RBFOX1: variants seen among roughly 807,000 people sequenced by gnomAD.
RBFOX1 encodes the protein RNA binding fox-1 homolog 1, also known as RNA binding protein fox-1 homolog 1.
RBFOX1 carries 8 observed loss-of-function variants against 57.7 expected under a neutral mutation model. The observed-to-expected ratio is 0.14, with a 90% CI of 0.08 to 0.25. RBFOX1 has a LOEUF of 0.25. Ranked by LOEUF, RBFOX1 falls within the 10% of genes least tolerant of loss-of-function variation. The pLI is 1.00. For synonymous variants in RBFOX1, 326 were observed against 222.4 expected (o/e 1.47, Z -4.15); for missense variants, 611 against 548.5 (o/e 1.11, Z -1.14).
intron 1 of RBFOX1, among the ~76,000 whole-genome samples, chr16:5,391,622 A>C (rs551202454): frequency 6.6e-6 from 1 of 152,100 alleles, no homozygotes; most frequent in Non-Finnish European, 1.5e-5. Flanking sequence ...GTTCCTCCTG[A>C]AGGCTGTCTG....
chr16:5,684,510 G>C (rs1293893107), intron 3 of RBFOX1, among the ~76,000 whole-genome samples: 1 of 152,084 alleles, frequency 6.6e-6, no homozygotes, highest in African/African-American at 2.4e-5. Flanking sequence ...GTGTGTGTCT[G>C]TTTTCTAGGA....
chr16:7,514,121 G>T (rs2075822159), intron 4 of RBFOX1, among the ~76,000 whole-genome samples: 1 of 152,242 alleles, frequency 6.6e-6, no homozygotes, highest in Non-Finnish European at 1.5e-5. Context: ...CAAAGGACCA[G>T]ATGATAGATC....
At chr16:6,965,115 G>A (rs115788223) in intron 3 of RBFOX1, among the ~76,000 whole-genome samples, 3 of 152,060 alleles carry the variant, frequency 2.0e-5, no homozygotes, top group African/African-American at 7.2e-5. Flanking sequence ...GGTTTATCTA[G>A]ACTCTGCCTC....
chr16:7,632,480 A>G (rs1387931226), intron 11 of RBFOX1, among the ~76,000 whole-genome samples: 1 of 152,226 alleles, frequency 6.6e-6, no homozygotes, highest in East Asian at 1.9e-4. Context: ...TTGCTTTACA[A>G]CTGAGGAAAT....
intron 4 of RBFOX1, among the ~76,000 whole-genome samples, chr16:7,481,527 C>T (rs976873966): frequency 6.6e-6 from 1 of 152,148 alleles, no homozygotes; most frequent in African/African-American, 2.4e-5. Context: ...ATCTTACTTG[C>T]TGCTAGGCTG....
intron 3 of RBFOX1, among the ~76,000 whole-genome samples, chr16:6,938,057 A>T (rs911001922): frequency 4.6e-5 from 7 of 151,834 alleles, no homozygotes; most frequent in Non-Finnish European, 7.4e-5. Context: ...TGTGATATGG[A>T]TATCCCTCAG....
At chr16:6,851,483 T>C (rs1187182120) in intron 3 of RBFOX1, among the ~76,000 whole-genome samples, 1 of 152,172 alleles carries the variant, frequency 6.6e-6, no homozygotes, top group East Asian at 1.9e-4. Context: ...TAAAATTCCT[T>C]CATATAACAA....
At chr16:5,271,316 C>G (rs1201687126) in intron 1 of RBFOX1, among the ~76,000 whole-genome samples, 1 of 152,188 alleles carries the variant, frequency 6.6e-6, no homozygotes, top group Non-Finnish European at 1.5e-5. Context: ...ATGATTGTGA[C>G]ACTGCACTCC....
intron 1 of RBFOX1, among the ~76,000 whole-genome samples, chr16:6,243,575 C>T (rs142846853): frequency 6.6e-6 from 1 of 152,274 alleles, no homozygotes; most frequent in African/African-American, 2.4e-5. Context: ...GTATCATGTC[C>T]TCTAATCATG....
At chr16:6,793,343 C>A (rs1051252402) in intron 3 of RBFOX1, among the ~76,000 whole-genome samples, 10 of 151,702 alleles carry the variant, frequency 6.6e-5, no homozygotes, top group African/African-American at 9.7e-5. Context: ...GTTTTTTTTC[C>A]AAAATATGAT....
chr16:6,625,937 A>G (rs2098298583), intron 2 of RBFOX1, among the ~76,000 whole-genome samples: 1 of 152,204 alleles, frequency 6.6e-6, no homozygotes, highest in South Asian at 2.1e-4. Context: ...TTATCAGATA[A>G]TACTTGAGAG....
chr16:5,592,803 T>G (rs2047053478), intron 2 of RBFOX1, among the ~76,000 whole-genome samples: 1 of 152,182 alleles, frequency 6.6e-6, no homozygotes, highest in Non-Finnish European at 1.5e-5. Context: ...GCTTGCTTTC[T>G]CTTGGCGTCC....
At chr16:5,434,374 T>G (rs1397981877) in intron 1 of RBFOX1, among the ~76,000 whole-genome samples, 1 of 129,774 alleles carries the variant, frequency 7.7e-6, no homozygotes, top group African/African-American at 2.9e-5. Context: ...CAGGCTGGAG[T>G]GCAGTGGCAT....
chr16:5,366,433 A>G, intron 1 of RBFOX1: 4 of 449,336 alleles, frequency 8.9e-6, no homozygotes, highest in South Asian at 7.0e-5. Flanking sequence ...AGTCAAATCA[A>G]AATGAAAAGA....
Position 7,417,626 on chromosome 16 carries a change from A to G in RBFOX1, c.28-100521A>G, listed in dbSNP as rs182319224. ...ATAGCCACCATAGCCAACATACATC[A>G]TAGCTCCATCACAAAGATCCTAGGC... On this transcript the variant is annotated intron_variant, in intron 4 of 15. Transcript: ENST00000550418. 3.9e-5 allele frequency among the ~76,000 whole-genome samples: 6 copies of G among 152,096 alleles called. No individual in the cohort carries two copies. In the East Asian group the frequency reaches 9.7e-4, roughly 25 times the overall value.
chr16:5,266,477 C>T (rs1485743362), intron 1 of RBFOX1, among the ~76,000 whole-genome samples: 1 of 151,424 alleles, frequency 6.6e-6, no homozygotes, highest in Non-Finnish European at 1.5e-5. Context: ...GGAAGAGACC[C>T]CAGGAATATC....
At chr16:7,376,463 T>C (rs2097687780) in intron 4 of RBFOX1, among the ~76,000 whole-genome samples, 1 of 152,146 alleles carries the variant, frequency 6.6e-6, no homozygotes, top group South Asian at 2.1e-4. Context: ...TTGCCTGAGG[T>C]CAAACATGCT....
chr16:6,643,210 T>C (rs1324168084), intron 2 of RBFOX1, among the ~76,000 whole-genome samples: 10 of 152,320 alleles, frequency 6.6e-5, no homozygotes, highest in African/African-American at 2.4e-4. Context: ...ACGGACCTGA[T>C]GAATTGGATA....
At chr16:6,177,094 A>G (rs1404846090) in intron 1 of RBFOX1, among the ~76,000 whole-genome samples, 2 of 151,642 alleles carry the variant, frequency 1.3e-5, no homozygotes, top group African/African-American at 2.4e-5. Context: ...GGAATACCAT[A>G]TTTTGGATTA....
Sources: gnomAD v4.1 joint callset for allele counts (sites outside exome capture counted in the v4.1 genomes callset) on GRCh38, gnomAD v4.1.1 for gene constraint, MANE v1.5 for transcripts, NCBI Gene and HGNC (gene_info 2026-07-23, HGNC 2026-07-21) for gene names.